NALCN: variants seen among roughly 807,000 people sequenced by gnomAD.
NALCN encodes sodium leak channel, non-selective.
NALCN carries 111 observed loss-of-function variants against 225.3 expected under a neutral mutation model. The ratio of observed to expected loss-of-function variants is 0.49; its 90% CI spans 0.42 to 0.58. The LOEUF (loss-of-function observed/expected upper bound fraction) is 0.58. Among genes scored for constraint, NALCN ranks in the 20% least tolerant of loss-of-function variants. The probability of loss-of-function intolerance (pLI) is 0.00; values close to 1 mark genes in which losing one functional copy is unlikely to be tolerated. For missense variants in NALCN, 1,378 were observed against 2,202.4 expected (o/e 0.63, Z 7.49); for synonymous variants, 764 against 769.0 (o/e 0.99, Z 0.11).
rs538849338 is a variant in NALCN at position 101,235,793 on chromosome 13, T to A, written c.1434+1962A>T. Reference sequence around the variant, plus strand: ...GCTTTTTGCCTGGGTTTGTAGGGGGTTTTGCTTTTTACTTTTTGTGAATTA... The same window carrying A: ...GCTTTTTGCCTGGGTTTGTAGGGGGATTTGCTTTTTACTTTTTGTGAATTA... On this transcript the variant is annotated intron_variant, in intron 12 of 43. Transcript: ENST00000251127. 2.0e-5 allele frequency among the ~76,000 whole-genome samples: 3 copies of A among 152,256 alleles called. No homozygotes were observed. The South Asian group carries it at 6.2e-4, about 32-fold the overall frequency.
At chr13:101,126,546 G>A (rs977470594) in intron 17 of NALCN, among the ~76,000 whole-genome samples, 5 of 150,860 alleles carry the variant, frequency 3.3e-5, no homozygotes, top group African/African-American at 1.2e-4. Context: ...AGGCTGGAGT[G>A]CAGTGGCGTA....
intron 17 of NALCN, among the ~76,000 whole-genome samples, chr13:101,140,935 TA>T (rs966456709): frequency 3.3e-5 from 5 of 151,966 alleles, no homozygotes; most frequent in Admixed American, 1.3e-4. Flanking sequence ...ATCTCATCTC[TA>T]AAAAAATAAA....
intron 37 of NALCN, among the ~76,000 whole-genome samples, chr13:101,070,657 C>A (rs1181819859): frequency 6.6e-6 from 1 of 152,040 alleles, no homozygotes; most frequent in Non-Finnish European, 1.5e-5. Context: ...TGAAAGCAAT[C>A]TTTTTTTTCT....
chr13:101,129,755 G>A (rs984035788), intron 17 of NALCN, among the ~76,000 whole-genome samples: 3 of 148,014 alleles, frequency 2.0e-5, no homozygotes, highest in African/African-American at 7.5e-5. Flanking sequence ...AAGTTCTGGG[G>A]TACATGAGCA....
rs112713568 is a variant in NALCN, at chr13:101,204,807, T to C, written c.1627-12753A>G. Among the ~76,000 whole-genome samples the C allele has an allele frequency of 3.5e-3, 536 of 152,256 alleles. 3 individuals carry two copies. The highest frequency in any genetic ancestry group is 0.011 in the African/African-American group (475 of 41,556). On this transcript the variant is annotated intron_variant, in intron 13 of 43. Coordinates refer to ENST00000251127, the MANE Select transcript of NALCN (RefSeq NM_052867.4). ...GTCATGAATTTGTACTAGGATTTCA[T>C]TGCAGCTAAGATGAAATGATATGAG...
At chr13:101,082,924 C>G (rs369988255) in intron 32 of NALCN, 41 bp from the exon 33 acceptor site, 38 of 1,608,776 alleles carry the variant, frequency 2.4e-5, no homozygotes, top group Non-Finnish European at 3.1e-5. Context: ...CCACGTCCAT[C>G]GGACACATAC....
intron 9 of NALCN, among the ~76,000 whole-genome samples, chr13:101,291,541 A>C (rs191415276): frequency 1.3e-5 from 2 of 151,866 alleles, no homozygotes; most frequent in East Asian, 3.9e-4. Context: ...AACCTGTTTT[A>C]TTTTATTTTC....
At chr13:101,203,224 C>CT (rs200478892) in intron 13 of NALCN, among the ~76,000 whole-genome samples, 5,419 of 151,940 alleles carry the variant, frequency 0.036, 288 homozygotes, top group African/African-American at 0.12. Flanking sequence ...CCTATGTTTT[C>CT]TTTTTTTTGA....
intron 1 of NALCN, among the ~76,000 whole-genome samples, chr13:101,405,433 G>A (rs1017239781): frequency 2.0e-5 from 3 of 152,072 alleles, no homozygotes; most frequent in African/African-American, 7.2e-5. Context: ...TGCCCACTCT[G>A]CCGTCCTCCA....
chr13:101,149,199 AG>A (rs886691312), intron 15 of NALCN, among the ~76,000 whole-genome samples: 20 of 152,064 alleles, frequency 1.3e-4, no homozygotes, highest in African/African-American at 4.8e-4. Context: ...AGGCTGAGGC[AG>A]GAGAATGGCG....
At chr13:101,255,169 A>G (rs2042190550) in intron 11 of NALCN, among the ~76,000 whole-genome samples, 1 of 152,164 alleles carries the variant, frequency 6.6e-6, no homozygotes. Context: ...ATTATATAAA[A>G]AAGAAAAAAG....
At chr13:101,331,195 A>T (rs1594689398) in intron 7 of NALCN, among the ~76,000 whole-genome samples, 1 of 152,258 alleles carries the variant, frequency 6.6e-6, no homozygotes, top group East Asian at 1.9e-4. Flanking sequence ...TATAAACCAC[A>T]CAAGAAAATG....
intron 7 of NALCN, among the ~76,000 whole-genome samples, chr13:101,329,151 G>A (rs1209290479): frequency 6.6e-6 from 1 of 152,110 alleles, no homozygotes; most frequent in South Asian, 2.1e-4. Flanking sequence ...TACAATCACC[G>A]CTAGTTTTTA....
intron 7 of NALCN, among the ~76,000 whole-genome samples, chr13:101,293,454 T>C (rs1448728025): frequency 6.6e-6 from 1 of 152,240 alleles, no homozygotes; most frequent in East Asian, 1.9e-4. Context: ...TAAATATAAG[T>C]TGTTATTCAT....
chr13:101,300,624 T>C (rs1455279484), intron 7 of NALCN, among the ~76,000 whole-genome samples: 1 of 152,008 alleles, frequency 6.6e-6, no homozygotes, highest in Admixed American at 6.6e-5. Context: ...CTCAAAAAAA[T>C]AAACTTAAGT....
chr13:101,332,077 G>A (rs900768669), intron 7 of NALCN, among the ~76,000 whole-genome samples: 4 of 151,984 alleles, frequency 2.6e-5, no homozygotes, highest in African/African-American at 9.7e-5. Context: ...AGAAAATAGA[G>A]GGAAGTTAGA....
chr13:101,223,225 G>A (rs1359596792), intron 13 of NALCN, among the ~76,000 whole-genome samples: 2 of 152,116 alleles, frequency 1.3e-5, no homozygotes, highest in Non-Finnish European at 2.9e-5. Flanking sequence ...TAAAGGAACA[G>A]TTAAAAGCCA....
chr13:101,236,706 T>A (rs908622681), intron 12 of NALCN, among the ~76,000 whole-genome samples: 1 of 139,672 alleles, frequency 7.2e-6, no homozygotes. Context: ...TAGGTGGGAA[T>A]TGAACAATGA....
chr13:101,214,384 T>C (rs1344560790), intron 13 of NALCN, among the ~76,000 whole-genome samples: 2 of 152,166 alleles, frequency 1.3e-5, no homozygotes, highest in Non-Finnish European at 2.9e-5. Context: ...ACATGGCACA[T>C]GTATACATAT....
Sources: gnomAD v4.1 joint callset for allele counts (sites outside exome capture counted in the v4.1 genomes callset) on GRCh38, gnomAD v4.1.1 for gene constraint, MANE v1.5 for transcripts, NCBI Gene and HGNC (gene_info 2026-07-23, HGNC 2026-07-21) for gene names.